KLHL32: variants seen among roughly 807,000 people sequenced by gnomAD.
KLHL32 encodes the protein kelch-like protein 32.
Under a neutral mutation model 64.8 loss-of-function variants are expected in KLHL32, and 35 were observed. The ratio of observed to expected loss-of-function variants is 0.54; its 90% CI spans 0.41 to 0.72. KLHL32 has a LOEUF of 0.72. Among genes scored for constraint, KLHL32 ranks in the 30% least tolerant of loss-of-function variants. The probability of loss-of-function intolerance (pLI) is 0.00; values close to 1 mark genes in which losing one functional copy is unlikely to be tolerated. For missense variants in KLHL32, 589 were observed against 768.5 expected, an observed-to-expected ratio of 0.77 and a Z score of 2.76; for synonymous variants, 259 against 281.0, an observed-to-expected ratio of 0.92 and a Z score of 0.78.
At chr6:96,961,519 T>A (rs1773880773) in intron 1 of KLHL32, among the ~76,000 whole-genome samples, 1 of 152,216 alleles carries the variant, frequency 6.6e-6, no homozygotes, top group Non-Finnish European at 1.5e-5. Context: ...GTTCTGCCTG[T>A]ATGCAGCAAG....
upstream of KLHL32, among the ~76,000 whole-genome samples, chr6:96,924,396 AGCGAGGAGGAGGGCG>A (rs1157046893): frequency 7.0e-6 from 1 of 143,630 alleles, no homozygotes; most frequent in Non-Finnish European, 1.5e-5. Context: ...GGTGCCGGAG[AGCGAGGAGGAGGGCG>A]GCGTGGAGGA....
In KLHL32 at chr6:97,074,867, A is replaced by AATAT. The variant is rs1026820457; in HGVS notation, c.411+10152_411+10155dup. Among the ~76,000 whole-genome samples, 864 of 150,730 alleles carry AATAT rather than the reference A, an allele frequency of 5.7e-3. 6 individuals are homozygous for AATAT. Among genetic ancestry groups the AATAT allele is most frequent in the African/African-American group, 0.018 (760 of 41,276 alleles). ...GATAAACTATTTTCAATTAAAAGAA[A>AATAT]ATATATATATATATTAATTTCTTAT... On this transcript the variant is annotated intron_variant, in intron 5 of 10. Coordinates refer to ENST00000369261, the MANE Select transcript of KLHL32 (RefSeq NM_052904.4).
chr6:97,100,710 G>C (rs191110094), intron 6 of KLHL32, among the ~76,000 whole-genome samples: 1 of 152,080 alleles, frequency 6.6e-6, no homozygotes, highest in Non-Finnish European at 1.5e-5. Flanking sequence ...GAGCCCTTGA[G>C]GTCCATTTGG....
chr6:96,914,203 T>A, the KLHL32 span, among the ~76,000 whole-genome samples: 3 of 152,074 alleles, frequency 2.0e-5, no homozygotes, highest in African/African-American at 7.2e-5. Flanking sequence ...CTGGCTGACA[T>A]CCTGATATTA....
At chr6:97,110,738 A>G (rs1459927441) in intron 6 of KLHL32, among the ~76,000 whole-genome samples, 2 of 152,228 alleles carry the variant, frequency 1.3e-5, no homozygotes, top group African/African-American at 4.8e-5. Flanking sequence ...TTGAAGCAGG[A>G]TATTTTCCTT....
In KLHL32 at chr6:97,114,176, G is replaced by A; in HGVS notation, c.1021G>A (p.Val341Met). ...PMPVGRSHHCVAVMGDFLFVA... is the reference protein window; with the variant it reads ...PMPVGRSHHCMAVMGDFLFVA... ...GCCTGTGGGAAGGAGCCACCATTGTGTGGCAGTCATGGGGGACTTCCTGTT... is the reference window on the plus strand; with the variant it reads ...GCCTGTGGGAAGGAGCCACCATTGTATGGCAGTCATGGGGGACTTCCTGTT... Residue 341 changes from valine to methionine, a missense_variant, in exon 7 of 11, where the codon GTG (valine) becomes ATG (methionine). Around this residue, in one of 3 missense-constraint regions of KLHL32, gnomAD observed 226 missense variants for 353.2 expected, o/e 0.64. Transcript: ENST00000369261. 6.2e-7 allele frequency: 1 copy of A among 1,614,220 alleles called. No homozygotes were observed. Among genetic ancestry groups the A allele is most frequent in the Non-Finnish European group, 8.5e-7 (1 of 1,180,044 alleles).
intron 4 of KLHL32, among the ~76,000 whole-genome samples, chr6:97,050,322 C>G (rs533688204): frequency 1.8e-3 from 281 of 152,288 alleles, no homozygotes; most frequent in Admixed American, 5.8e-3. Context: ...TAATGCCACA[C>G]ACCCCAACAG....
At chr6:96,942,488 T>G (rs1489614642) in intron 1 of KLHL32, among the ~76,000 whole-genome samples, 1 of 152,194 alleles carries the variant, frequency 6.6e-6, no homozygotes, top group African/African-American at 2.4e-5. Context: ...AGAGTTGCCT[T>G]TTGTTGTTCT....
At chr6:96,930,955 A>G (rs1392382967) in intron 1 of KLHL32, among the ~76,000 whole-genome samples, 1 of 152,160 alleles carries the variant, frequency 6.6e-6, no homozygotes, top group African/African-American at 2.4e-5. Flanking sequence ...CTGTAGAATT[A>G]ATAGTGGCAG....
chr6:97,029,474 G>T (rs1285046952), intron 3 of KLHL32, among the ~76,000 whole-genome samples: 1 of 150,798 alleles, frequency 6.6e-6, no homozygotes, highest in Non-Finnish European at 1.5e-5. Flanking sequence ...TATATTTACA[G>T]TAATATAATT....
chr6:97,054,140 A>C (rs565856835), intron 4 of KLHL32, among the ~76,000 whole-genome samples: 1 of 152,318 alleles, frequency 6.6e-6, no homozygotes, highest in South Asian at 2.1e-4. Context: ...ATTGTAATTA[A>C]TATCAGGATA....
At chr6:96,983,903 A>G (rs1448421526) in intron 3 of KLHL32, among the ~76,000 whole-genome samples, 1 of 151,652 alleles carries the variant, frequency 6.6e-6, no homozygotes, top group Non-Finnish European at 1.5e-5. Flanking sequence ...GATCTTACTT[A>G]TTTCTTGCCT....
chr6:96,923,859 T>C (rs565395953), upstream of KLHL32, among the ~76,000 whole-genome samples: 1 of 152,224 alleles, frequency 6.6e-6, no homozygotes, highest in Non-Finnish European at 1.5e-5. Flanking sequence ...GTGGAATACT[T>C]ACCTATTAAA....
chr6:96,921,307 A>G (rs1458496675), upstream of KLHL32, among the ~76,000 whole-genome samples: 2 of 152,216 alleles, frequency 1.3e-5, no homozygotes, highest in African/African-American at 4.8e-5. Flanking sequence ...GATATCACAG[A>G]ATGTGGCAGA....
chr6:97,092,462 C>CT (rs1164115034), intron 6 of KLHL32, among the ~76,000 whole-genome samples: 2 of 152,126 alleles, frequency 1.3e-5, no homozygotes, highest in African/African-American at 4.8e-5. Context: ...CTTTCTGAAA[C>CT]TTTTTATAGT....
rs185012368 is a variant in KLHL32 at position 97,019,215 on chromosome 6, T to G, written c.205-22277T>G. Among the ~76,000 whole-genome samples, 4 of 152,364 alleles carry G rather than the reference T, an allele frequency of 2.6e-5. No homozygotes were observed. In the East Asian group the frequency reaches 7.7e-4, roughly 29 times the overall value. On this transcript the variant is annotated intron_variant, in intron 3 of 10. Transcript: ENST00000369261. ...TGAATACCAGAAAAAAGCAGCGTTC[T>G]TAATATGGACTTGAAGAAGTATAGT...
rs138966865 is a variant in KLHL32 at position 97,011,554 on chromosome 6, G to A, written c.205-29938G>A. 1.9e-3 allele frequency among the ~76,000 whole-genome samples: 283 copies of A among 152,272 alleles called. 2 individuals carry two copies. Among genetic ancestry groups the A allele is most frequent in the Non-Finnish European group, 3.2e-3 (215 of 67,998 alleles). On this transcript the variant is annotated intron_variant, in intron 3 of 10. Transcript: ENST00000369261. ...AAGAAAACTATTAAATTATAAAATTGTTGAATTTCTTGTCACAACCTTTAG... is the reference window on the plus strand; with the variant it reads ...AAGAAAACTATTAAATTATAAAATTATTGAATTTCTTGTCACAACCTTTAG...
In KLHL32 at chr6:97,139,715, A is replaced by ATTT. The variant is rs1202213062; in HGVS notation, c.*434_*436dup. The ATTT allele has an allele frequency of 6.5e-6, 1 of 153,712 alleles. No individual in the cohort carries two copies. The highest frequency in any genetic ancestry group is 1.9e-4 in the East Asian group (1 of 5,220). The allele number at this position is 153,712 out of a possible 1,614,324, so 9.5% of individuals were successfully genotyped here. ...CGGGCTTGTAATTTTTCTTTTTAAA[A>ATTT]TTTAACATTATGCAGCCCTGCTCAG... On this transcript the variant is annotated 3_prime_UTR_variant, in exon 11 of 11. Coordinates refer to ENST00000369261, the MANE Select transcript of KLHL32 (RefSeq NM_052904.4).
intron 5 of KLHL32, 55 bp downstream of exon 5, chr6:97,064,781 A>G (rs1198774004): frequency 2.6e-5 from 37 of 1,418,088 alleles, no homozygotes; most frequent in Non-Finnish European, 3.4e-5. Flanking sequence ...CCCCACAGTC[A>G]TAAGCTGGCC....
Sources: allele counts gnomAD v4.1 joint callset (sites outside exome capture counted in the v4.1 genomes callset), GRCh38; gene constraint gnomAD v4.1.1; regional missense constraint gnomAD v4.1.1; transcripts MANE v1.5; gene names NCBI Gene and HGNC (gene_info 2026-07-23, HGNC 2026-07-21).